P2RX3: variants seen among roughly 807,000 people sequenced by gnomAD.
P2RX3 encodes the protein purinergic receptor P2X 3.
P2RX3 carries 41 observed loss-of-function variants against 51.5 expected under a neutral mutation model. The observed-to-expected ratio is 0.80, with a 90% confidence interval of 0.62 to 1.03. The LOEUF (loss-of-function observed/expected upper bound fraction) is 1.03, where lower values mean the gene tolerates loss of function less well. Among genes scored for constraint, P2RX3 ranks in the 50% least tolerant of loss-of-function variants. The pLI, the probability that P2RX3 is intolerant of heterozygous loss-of-function variation, is 0.00. For synonymous variants in P2RX3, 185 were observed against 191.6 expected (o/e 0.97, Z 0.29); for missense variants, 459 against 522.1 (o/e 0.88, Z 1.18).
chr11:57,358,967 G>T (rs1856673669), intron 8 of P2RX3, among the ~76,000 whole-genome samples: 1 of 152,142 alleles, frequency 6.6e-6, no homozygotes, highest in African/African-American at 2.4e-5. Flanking sequence ...TGTGTTAGAG[G>T]TGTCCTGTCT....
rs1259125477 is a variant in P2RX3, at chr11:57,370,150, G to A, written c.*153G>A. 5 of 611,246 alleles carry A rather than the reference G, an allele frequency of 8.2e-6. No individual in the cohort carries two copies. Among genetic ancestry groups the A allele is most frequent in the Admixed American group, 2.9e-5 (1 of 33,924 alleles). 37.9% of individuals were successfully genotyped at this position (611,246 alleles called of 1,614,324 possible). On this transcript the variant is annotated 3_prime_UTR_variant, in exon 12 of 12. Coordinates refer to ENST00000263314, the MANE Select transcript of P2RX3 (RefSeq NM_002559.5). Reference sequence around the variant, plus strand: ...GACCCAAGTGTCTGGGCCTCCGACTGCTCCAGCAGACAGGCAGTGCTCCCT... The same window carrying A: ...GACCCAAGTGTCTGGGCCTCCGACTACTCCAGCAGACAGGCAGTGCTCCCT...
rs916145442 is a variant in P2RX3, at chr11:57,348,158, C to T, written c.392-12C>T. 1.9e-6 allele frequency: 3 copies of T among 1,568,844 alleles called. No individual in the cohort carries two copies. Among genetic ancestry groups the T allele is most frequent in the Admixed American group, 1.9e-5 (1 of 53,142 alleles). On this transcript the variant is annotated splice_polypyrimidine_tract_variant and intron_variant, in intron 4 of 11. Coordinates refer to ENST00000263314, the MANE Select transcript of P2RX3 (RefSeq NM_002559.5). ...GCAGGCAGCCACCCAGCAGCTGTGG[C>T]TCTCACTTTAGGGATCCTCACTGGC...
chr11:57,369,954 A>G lies in P2RX3; in HGVS notation c.1151A>G (p.Glu384Gly). ...PVYPSDQTTA[E>G]KQSTDSGAFS... Reference sequence around the variant, plus strand: ...TACCCCAGCGACCAGACCACAGCGGAGAAGCAGTCCACCGATTCGGGGGCC... The same window carrying G: ...TACCCCAGCGACCAGACCACAGCGGGGAAGCAGTCCACCGATTCGGGGGCC... The change falls in exon 12 of 12, where the codon GAG (glutamate) becomes GGG (glycine). Residue 384 changes from glutamate (E) to glycine (G), a missense_variant. By Grantham distance (98) the Glu-to-Gly change is moderately conservative (BLOSUM62 -2). Transcript: ENST00000263314. 6.2e-7 allele frequency: 1 copy of G among 1,614,044 alleles called. No homozygotes were observed. The highest frequency in any genetic ancestry group is 8.5e-7 in the Non-Finnish European group (1 of 1,179,972).
At chr11:57,368,131 G>T in intron 9 of P2RX3, 29 bp downstream of exon 9, 1 of 1,599,048 alleles carries the variant, frequency 6.3e-7, no homozygotes, top group South Asian at 1.1e-5. Flanking sequence ...CAGATGGGGT[G>T]GACAGGGGAG....
chr11:57,346,513 C>T (rs1465728953), intron 1 of P2RX3, 31 bp from the exon 2 acceptor site: 29 of 1,610,984 alleles, frequency 1.8e-5, no homozygotes, highest in Non-Finnish European at 2.3e-5. Flanking sequence ...GGACTCCTCT[C>T]TTTCTCTTCA....
chr11:57,359,274 G>A (rs1181386796), intron 8 of P2RX3, among the ~76,000 whole-genome samples: 1 of 152,134 alleles, frequency 6.6e-6, no homozygotes, highest in African/African-American at 2.4e-5. Flanking sequence ...TCCCACCCTC[G>A]GGTCCCCTGC....
At chr11:57,349,131 G>A (rs1856496222) in intron 6 of P2RX3, among the ~76,000 whole-genome samples, 1 of 152,082 alleles carries the variant, frequency 6.6e-6, no homozygotes, top group Non-Finnish European at 1.5e-5. Context: ...CTACTCAGTG[G>A]GCATTGGCCA....
intron 9 of P2RX3, 50 bp downstream of exon 9, chr11:57,368,152 C>G (rs760338763): frequency 6.4e-7 from 1 of 1,566,760 alleles, no homozygotes; most frequent in Non-Finnish European, 8.8e-7. Flanking sequence ...GCAGCCCAGA[C>G]CACCTCTCGG....
chr11:57,369,644 T>C (rs1300245776), intron 11 of P2RX3, among the ~76,000 whole-genome samples: 1 of 152,042 alleles, frequency 6.6e-6, no homozygotes, highest in Non-Finnish European at 1.5e-5. Context: ...ATCTCTGTCA[T>C]GGTCCCCACC....
At chr11:57,358,322 A>C (rs1210993442) in intron 8 of P2RX3, among the ~76,000 whole-genome samples, 2 of 152,212 alleles carry the variant, frequency 1.3e-5, no homozygotes, top group Non-Finnish European at 2.9e-5. Flanking sequence ...GTCTCTTTCA[A>C]CTTCCAGATT....
At chr11:57,368,260 G>A (rs1856827386) in intron 9 of P2RX3, 112 bp from the exon 10 acceptor site, 1 of 1,355,048 alleles carries the variant, frequency 7.4e-7, no homozygotes, top group Non-Finnish European at 1.1e-6. Context: ...GTCCCGTGAA[G>A]GGGAGGGATC....
chr11:57,350,117 A>G (rs1272071640), intron 7 of P2RX3, among the ~76,000 whole-genome samples: 3 of 151,970 alleles, frequency 2.0e-5, no homozygotes, highest in Non-Finnish European at 4.4e-5. Flanking sequence ...ACCTTCCTCA[A>G]GCCTCAGTTT....
chr11:57,357,829 T>C (rs534034667), intron 8 of P2RX3, among the ~76,000 whole-genome samples: 5 of 152,216 alleles, frequency 3.3e-5, no homozygotes, highest in Middle Eastern at 3.2e-3. Context: ...CCTATCAGTA[T>C]AAAATCAACT....
intron 1 of P2RX3, among the ~76,000 whole-genome samples, chr11:57,340,143 G>A (rs11603691): frequency 0.073 from 11,140 of 152,296 alleles, 539 homozygotes; most frequent in Non-Finnish European, 0.11. Flanking sequence ...TCAATGCTGT[G>A]GTTGTTTATA....
At chr11:57,343,683 G>A (rs988109917) in intron 1 of P2RX3, among the ~76,000 whole-genome samples, 3 of 152,198 alleles carry the variant, frequency 2.0e-5, no homozygotes, top group Non-Finnish European at 4.4e-5. Context: ...CTTTAAGGAC[G>A]CAGGGCAGGG....
At chr11:57,342,452 C>T (rs1174959836) in intron 1 of P2RX3, among the ~76,000 whole-genome samples, 1 of 152,040 alleles carries the variant, frequency 6.6e-6, no homozygotes, top group Non-Finnish European at 1.5e-5. Flanking sequence ...AGTCACCATG[C>T]CTGGCTGGAT....
At chr11:57,355,710 T>C (rs1384403950) in intron 8 of P2RX3, among the ~76,000 whole-genome samples, 1 of 152,234 alleles carries the variant, frequency 6.6e-6, no homozygotes, top group East Asian at 1.9e-4. Context: ...AATACTGATA[T>C]ATACAAAGTA....
intron 4 of P2RX3, 101 bp from the exon 5 acceptor site, chr11:57,348,069 C>A (rs1174654172): frequency 1.9e-6 from 2 of 1,075,874 alleles, no homozygotes; most frequent in Non-Finnish European, 2.7e-6. Context: ...TCTTTTCCCC[C>A]ACTTGCCAGG....
chr11:57,368,251 T>A, intron 9 of P2RX3, 121 bp from the exon 10 acceptor site: 1 of 1,324,136 alleles, frequency 7.6e-7, no homozygotes, highest in Non-Finnish European at 1.1e-6. Context: ...AATTCACCTG[T>A]CCCGTGAAGG....
Sources: gnomAD v4.1 joint callset for allele counts (sites outside exome capture counted in the v4.1 genomes callset) on GRCh38, gnomAD v4.1.1 for gene constraint, MANE v1.5 for transcripts, NCBI Gene and HGNC (gene_info 2026-07-23, HGNC 2026-07-21) for gene names.